Variants in MUCL1 observed in about 807,000 individuals in gnomAD.
The protein encoded by MUCL1 is mucin like 1.
MUCL1 carries 11 observed loss-of-function variants against 9.2 expected under a neutral mutation model. The observed-to-expected ratio is 1.19, with a 90% CI of 0.75 to 1.97. The LOEUF (loss-of-function observed/expected upper bound fraction) is 1.97. Ranked by LOEUF, MUCL1 falls within the 30% of genes most tolerant of loss-of-function variation. The pLI, the probability that MUCL1 is intolerant of heterozygous loss-of-function variation, is 0.00. For synonymous variants in MUCL1, 48 were observed against 40.5 expected, an observed-to-expected ratio of 1.19 and a Z score of -0.71; for missense variants, 144 against 110.9, an observed-to-expected ratio of 1.30 and a Z score of -1.34.
At chr12:54,845,681 A>C (rs1959244218) in intron 1 of MUCL1, among the ~76,000 whole-genome samples, 3 of 152,120 alleles carry the variant, frequency 2.0e-5, no homozygotes, top group Non-Finnish European at 4.4e-5. Flanking sequence ...GCACCCAAAA[A>C]CAACTCATGA....
chr12:54,857,981 C>A (rs1267411350), intron 3 of MUCL1, among the ~76,000 whole-genome samples: 1 of 152,126 alleles, frequency 6.6e-6, no homozygotes, highest in African/African-American at 2.4e-5. Flanking sequence ...AAGTTCCAAC[C>A]TACCTGGGCT....
chr12:54,831,053 A>G (rs925617385), intron 1 of MUCL1, among the ~76,000 whole-genome samples: 1 of 152,194 alleles, frequency 6.6e-6, no homozygotes, highest in African/African-American at 2.4e-5. Flanking sequence ...AAAGTAGAAG[A>G]AAGGTGAGAG....
chr12:54,841,140 C>A (rs1358346388), intron 1 of MUCL1, among the ~76,000 whole-genome samples: 2 of 152,206 alleles, frequency 1.3e-5, no homozygotes, highest in African/African-American at 4.8e-5. Context: ...CCAGGTTCAT[C>A]CATGTTGCCA....
chr12:54,855,600 G>A (rs1490770394), intron 2 of MUCL1: 1 of 185,420 alleles, frequency 5.4e-6, no homozygotes, highest in African/African-American at 2.3e-5. Flanking sequence ...GATGTGGAGT[G>A]CAGGGGTCAG....
chr12:54,843,856 T>C (rs1592246997), intron 1 of MUCL1, among the ~76,000 whole-genome samples: 1 of 152,330 alleles, frequency 6.6e-6, no homozygotes, highest in East Asian at 1.9e-4. Flanking sequence ...AATACATTTA[T>C]GTTTTTTGAA....
At chr12:54,834,145 T>C (rs1056335590) in intron 1 of MUCL1, among the ~76,000 whole-genome samples, 11 of 152,256 alleles carry the variant, frequency 7.2e-5, no homozygotes, top group African/African-American at 2.4e-4. Flanking sequence ...ATAAGACATA[T>C]TTGCGTGAAC....
At chr12:54,842,549 C>G (rs1959217506) in intron 1 of MUCL1, among the ~76,000 whole-genome samples, 1 of 152,074 alleles carries the variant, frequency 6.6e-6, no homozygotes, top group Non-Finnish European at 1.5e-5. Flanking sequence ...GTGCCTGGTT[C>G]ATCCATGTTG....
chr12:54,850,724 G>C (rs1159975424), upstream of MUCL1, among the ~76,000 whole-genome samples: 1 of 152,152 alleles, frequency 6.6e-6, no homozygotes, highest in Non-Finnish European at 1.5e-5. Flanking sequence ...AGATCCTTGA[G>C]GAATTGCCAC....
chr12:54,840,164 G>C (rs1054774511), intron 1 of MUCL1, among the ~76,000 whole-genome samples: 2 of 152,146 alleles, frequency 1.3e-5, no homozygotes, highest in African/African-American at 2.4e-5. Flanking sequence ...CCAGTGATGT[G>C]ATATGTCCTC....
At chr12:54,847,848 G>A (rs994642693) in intron 1 of MUCL1, among the ~76,000 whole-genome samples, 2 of 152,092 alleles carry the variant, frequency 1.3e-5, no homozygotes, top group Non-Finnish European at 2.9e-5. Flanking sequence ...GAAACATGCT[G>A]TGTCTATAGA....
chr12:54,857,160 T>C (rs1868306895), intron 3 of MUCL1, among the ~76,000 whole-genome samples: 1 of 151,952 alleles, frequency 6.6e-6, no homozygotes, highest in Admixed American at 6.6e-5. Flanking sequence ...GAAACATCAT[T>C]GGAAAGACCA....
At chr12:54,857,735 G>A (rs2124050) in intron 3 of MUCL1, among the ~76,000 whole-genome samples, 10,222 of 152,038 alleles carry the variant, frequency 0.067, 376 homozygotes, top group Middle Eastern at 0.14. Flanking sequence ...TGAGCACACG[G>A]GCAGAAAGAA....
At chr12:54,848,860 A>G (rs1029340140) in intron 1 of MUCL1, among the ~76,000 whole-genome samples, 1 of 152,208 alleles carries the variant, frequency 6.6e-6, no homozygotes, top group African/African-American at 2.4e-5. Flanking sequence ...TTGGTAATAC[A>G]TATTAAATTA....
At chr12:54,838,859 T>C (rs967509127), upstream of MUCL1, among the ~76,000 whole-genome samples, 2 of 152,118 alleles carry the variant, frequency 1.3e-5, no homozygotes, top group Non-Finnish European at 2.9e-5. Context: ...ATGTTGGGTT[T>C]CACCTTTCTC....
At chr12:54,847,123 T>A (rs1959268473) in intron 1 of MUCL1, among the ~76,000 whole-genome samples, 1 of 152,222 alleles carries the variant, frequency 6.6e-6, no homozygotes, top group African/African-American at 2.4e-5. Flanking sequence ...ATCATATGAA[T>A]TTGTCTTGCT....
chr12:54,850,813 C>G (rs1454587031), upstream of MUCL1, among the ~76,000 whole-genome samples: 1 of 152,190 alleles, frequency 6.6e-6, no homozygotes, highest in Admixed American at 6.5e-5. Flanking sequence ...ACATCCTCTC[C>G]AGTACCTGTT....
intron 1 of MUCL1, among the ~76,000 whole-genome samples, chr12:54,847,094 C>G (rs1959267935): frequency 6.6e-6 from 1 of 152,136 alleles, no homozygotes; most frequent in Non-Finnish European, 1.5e-5. Flanking sequence ...GAAAAGCCAT[C>G]CATTTTCATC....
At chr12:54,843,446 C>T (rs772081562) in intron 1 of MUCL1, among the ~76,000 whole-genome samples, 18 of 152,170 alleles carry the variant, frequency 1.2e-4, no homozygotes, top group Admixed American at 2.6e-4. Flanking sequence ...AGATGGTCCA[C>T]ATTTTAATGC....
rs1868284520 is a variant in MUCL1, at chr12:54,854,531, C to T, written c.-52C>T. 1 of 1,511,754 alleles carries T rather than the reference C, an allele frequency of 6.6e-7. No individual in the cohort carries two copies. The highest frequency in any genetic ancestry group is 1.1e-5 in the South Asian group (1 of 87,304). The allele number at this position is 1,511,754 out of a possible 1,614,324, so 93.6% of individuals were successfully genotyped here. A position where few individuals can be genotyped will look rare whatever the true frequency, so the allele number is the denominator to read the frequency against. On this transcript the variant is annotated 5_prime_UTR_variant, in exon 1 of 4. Transcript: ENST00000308796. ...TCCTGAAGTCAGCGCCTTGCCTTCT[C>T]TTAGGCTTTGAAGCATTTTTGTCTG...
Sources: gnomAD v4.1 joint callset for allele counts (sites outside exome capture counted in the v4.1 genomes callset) on GRCh38, gnomAD v4.1.1 for gene constraint, MANE v1.5 for transcripts, NCBI Gene and HGNC (gene_info 2026-07-23, HGNC 2026-07-21) for gene names.